The following TANK variants were observed in gnomAD, a reference collection of about 807,000 sequenced individuals.
TANK encodes the protein TRAF family member-associated NF-kappa-B activator.
TANK carries 15 observed loss-of-function variants against 43.6 expected under a neutral mutation model. The ratio of observed to expected loss-of-function variants is 0.34; its 90% CI spans 0.23 to 0.53. The LOEUF (loss-of-function observed/expected upper bound fraction) is 0.53. Among genes scored for constraint, TANK ranks in the 20% least tolerant of loss-of-function variants. The pLI, the probability that TANK is intolerant of heterozygous loss-of-function variation, is 0.94. For missense variants in TANK, 417 were observed against 498.6 expected (o/e 0.84, Z 1.56); for synonymous variants, 162 against 178.2 (o/e 0.91, Z 0.73).
chr2:161,158,956 A>G (rs114360858), upstream of TANK, among the ~76,000 whole-genome samples: 780 of 152,352 alleles, frequency 5.1e-3, 3 homozygotes, highest in Admixed American at 7.9e-3. Context: ...CCTCCACGTC[A>G]TATGTCATCA....
intron 1 of TANK, chr2:161,161,421 GAAGC>G (rs1399976180): frequency 6.4e-7 from 1 of 1,550,830 alleles, no homozygotes; most frequent in Admixed American, 2.0e-5. Context: ...AGGTAGCAGA[GAAGC>G]AAGCAGTGCA....
At chr2:161,137,978 A>T in intron 1 of TANK, 1 of 605,444 alleles carries the variant, frequency 1.7e-6, no homozygotes. Flanking sequence ...AAAAAAAAAT[A>T]ATAATAATGA....
rs77054099 is a variant in TANK, at chr2:161,214,849, T to A, written c.328-9066T>A. Among the ~76,000 whole-genome samples, 542 of 152,314 alleles carry A rather than the reference T, an allele frequency of 3.6e-3. 2 individuals are homozygous for A. The highest frequency in any genetic ancestry group is 0.02 in the East Asian group (102 of 5,186). ...AAGTTAGTAGCGAAGAACATCTTAT[T>A]TTCATTGGTCCTGCCTAGGAGGTAA... On this transcript the variant is annotated intron_variant, in intron 4 of 7. Transcript: ENST00000392749.
At chr2:161,172,843 C>T (rs1455028024) in intron 1 of TANK, among the ~76,000 whole-genome samples, 2 of 152,154 alleles carry the variant, frequency 1.3e-5, no homozygotes, top group African/African-American at 4.8e-5. Context: ...TGAAATGCCT[C>T]TTGAATCCAC....
intron 6 of TANK, among the ~76,000 whole-genome samples, chr2:161,226,778 G>A (rs529699200): frequency 1.2e-4 from 6 of 48,818 alleles, no homozygotes; most frequent in Admixed American, 1.2e-3. Context: ...TTCAAATAAA[G>A]TACTGTTTGG....
At chr2:161,152,896 G>C (rs1020999806) in intron 1 of TANK, among the ~76,000 whole-genome samples, 2 of 152,062 alleles carry the variant, frequency 1.3e-5, no homozygotes, top group Non-Finnish European at 2.9e-5. Context: ...ATTTTTTTGA[G>C]TCTATTCTAC....
chr2:161,179,953 G>C, intron 2 of TANK, 192 bp downstream of exon 2: 2 of 1,263,752 alleles, frequency 1.6e-6, no homozygotes, highest in Non-Finnish European at 2.0e-6. Context: ...GCAACCCATA[G>C]GAAGAGTTGA....
intron 2 of TANK, among the ~76,000 whole-genome samples, chr2:161,181,952 G>A (rs1352905973): frequency 2.0e-5 from 3 of 152,072 alleles, no homozygotes; most frequent in African/African-American, 7.2e-5. Flanking sequence ...GTGAAACTCT[G>A]AAGTCTAATA....
At chr2:161,160,820 GA>G (rs1558965032) in intron 1 of TANK, 1 of 536,946 alleles carries the variant, frequency 1.9e-6, no homozygotes, top group Non-Finnish European at 3.7e-6. Context: ...CTGCGGTGTC[GA>G]GGTGAGCAGT....
At chr2:161,150,780 A>C (rs893187562) in intron 1 of TANK, among the ~76,000 whole-genome samples, 5 of 151,712 alleles carry the variant, frequency 3.3e-5, no homozygotes, top group African/African-American at 1.2e-4. Context: ...TAGTAGAGCC[A>C]AGGTTTCACC....
intron 2 of TANK, among the ~76,000 whole-genome samples, chr2:161,201,826 CCTAGA>C (rs1240499841): frequency 6.6e-6 from 1 of 152,062 alleles, no homozygotes; most frequent in Non-Finnish European, 1.5e-5. Context: ...GAAGCCAGGC[CCTAGA>C]CTAGACTTGG....
At chr2:161,175,548 T>C (rs1005470559) in intron 1 of TANK, among the ~76,000 whole-genome samples, 5 of 152,182 alleles carry the variant, frequency 3.3e-5, no homozygotes, top group African/African-American at 9.7e-5. Flanking sequence ...TCTGATTGAA[T>C]GGTAATGGGA....
At chr2:161,176,650 GA>G (rs1408322513) in intron 1 of TANK, among the ~76,000 whole-genome samples, 1 of 152,126 alleles carries the variant, frequency 6.6e-6, no homozygotes, top group Non-Finnish European at 1.5e-5. Flanking sequence ...AAGAACTGTA[GA>G]AAAAGGAAGT....
chr2:161,210,535 A>G (rs992874942), intron 4 of TANK, among the ~76,000 whole-genome samples: 2 of 152,050 alleles, frequency 1.3e-5, no homozygotes, highest in African/African-American at 4.8e-5. Context: ...CGTCTCTACT[A>G]AAAATACAAA....
chr2:161,205,202 T>C (rs1481062492), intron 4 of TANK, among the ~76,000 whole-genome samples: 1 of 152,088 alleles, frequency 6.6e-6, no homozygotes, highest in Non-Finnish European at 1.5e-5. Flanking sequence ...GGCACACGCC[T>C]GCAGTCCCAG....
At chr2:161,200,591 G>A (rs971343497) in intron 2 of TANK, 26 of 952,024 alleles carry the variant, frequency 2.7e-5, no homozygotes, top group South Asian at 1.5e-4. Context: ...TTTTTCTAAC[G>A]GTATAAGCTT....
chr2:161,161,342 C>T, intron 1 of TANK: 1 of 1,550,564 alleles, frequency 6.4e-7, no homozygotes, highest in Middle Eastern at 1.7e-4. Flanking sequence ...AGTGAAGAAG[C>T]GACGTGAAAT....
chr2:161,167,969 A>C (rs1490769068), intron 1 of TANK, among the ~76,000 whole-genome samples: 1 of 152,128 alleles, frequency 6.6e-6, no homozygotes, highest in Non-Finnish European at 1.5e-5. Flanking sequence ...ATGGGCTGAT[A>C]CTAAGTTATT....
At chr2:161,222,497 G>C (rs1687397270) in intron 4 of TANK, among the ~76,000 whole-genome samples, 2 of 151,990 alleles carry the variant, frequency 1.3e-5, no homozygotes, top group Non-Finnish European at 2.9e-5. Context: ...GTAGTGTTCT[G>C]ACTGGCTGGC....
Sources: allele counts gnomAD v4.1 joint callset (sites outside exome capture counted in the v4.1 genomes callset), GRCh38; gene constraint gnomAD v4.1.1; transcripts MANE v1.5; gene names NCBI Gene and HGNC (gene_info 2026-07-23, HGNC 2026-07-21).